Variants in NDUFA11 observed in about 807,000 individuals in gnomAD.
NDUFA11 encodes the protein NADH:ubiquinone oxidoreductase subunit A11.
Under a neutral mutation model 11.3 loss-of-function variants are expected in NDUFA11, and 14 were observed. The observed-to-expected ratio is 1.24, with a 90% CI of 0.82 to 1.94. The LOEUF (loss-of-function observed/expected upper bound fraction) is 1.94, where lower values mean the gene tolerates loss of function less well. Among genes scored for constraint, NDUFA11 ranks in the 30% most tolerant of loss-of-function variants. NDUFA11 has a pLI of 0.00. For synonymous variants in NDUFA11, 87 were observed against 85.6 expected, an observed-to-expected ratio of 1.02 and a Z score of -0.09; for missense variants, 204 against 200.3, an observed-to-expected ratio of 1.02 and a Z score of -0.11.
rs1180118904 is a variant in NDUFA11, at chr19:5,896,445, C to A, written c.313+8G>T. 6.4e-7 allele frequency: 1 copy of A among 1,565,820 alleles called. No homozygotes were observed. Among genetic ancestry groups the A allele is most frequent in the Non-Finnish European group, 8.7e-7 (1 of 1,155,954 alleles). On this transcript the variant is annotated splice_region_variant and intron_variant, in intron 3 of 3. Coordinates refer to ENST00000308961, the MANE Select transcript of NDUFA11 (RefSeq NM_175614.5). This position sits in a 1 kb window ranked among gnomAD's most constrained non-coding sequence, Gnocchi z 5.8. The stretch of plus-strand genomic sequence containing the variant: ...GAGGAGGGTGGGGGTGGGGAGGGGG[C>A]CACTCACTGCGTGCTCCCAGAGTCA...
At chr19:5,897,134 G>A (rs1201808582) in intron 1 of NDUFA11, 137 bp from the exon 2 acceptor site, 7 of 747,102 alleles carry the variant, frequency 9.4e-6, no homozygotes, top group South Asian at 8.6e-5. Context: ...CCCGGCTGCT[G>A]AGTGGCAGAG....
chr19:5,903,464 C>T (rs566681743), intron 1 of NDUFA11, 148 bp downstream of exon 1: 6 of 716,258 alleles, frequency 8.4e-6, no homozygotes, highest in Middle Eastern at 3.9e-4. Context: ...ACACAAGATC[C>T]CCCCCTACGA....
intron 1 of NDUFA11, among the ~76,000 whole-genome samples, chr19:5,899,455 T>TA (rs2057631665): frequency 8.4e-6 from 1 of 119,002 alleles, no homozygotes; most frequent in Admixed American, 8.2e-5. Flanking sequence ...CGGACTCTTT[T>TA]TTTTTTTTTT....
chr19:5,893,241 C>G, downstream of NDUFA11: 3 of 1,520,628 alleles, frequency 2.0e-6, no homozygotes, highest in Middle Eastern at 1.7e-4. This position sits in a 1 kb window ranked among gnomAD's most constrained non-coding sequence, Gnocchi z 4.1. Flanking sequence ...GAGGACTGCT[C>G]GAGGCCAGGA....
At chr19:5,893,202 A>G (rs1468130093), downstream of NDUFA11, 2 of 1,536,032 alleles carry the variant, frequency 1.3e-6, no homozygotes, top group Admixed American at 3.9e-5. The surrounding 1 kb of genome is among the most constrained non-coding windows in gnomAD (Gnocchi z 4.1). Context: ...TCATGCCTAT[A>G]ATCCCAGCAC....
At chr19:5,903,554 ACC>A in intron 1 of NDUFA11, 56 bp downstream of exon 1, 8 of 1,489,978 alleles carry the variant, frequency 5.4e-6, no homozygotes, top group Non-Finnish European at 7.3e-6. Context: ...GCCCCCAGTA[ACC>A]CCACGACCTC....
chr19:5,899,205 A>C (rs1188229478), intron 1 of NDUFA11, among the ~76,000 whole-genome samples: 1 of 146,648 alleles, frequency 6.8e-6, no homozygotes, highest in Non-Finnish European at 1.5e-5. Flanking sequence ...GCTGGAGTGC[A>C]GTGGCGCTAT....
downstream of NDUFA11, chr19:5,892,769 C>CGATGCCCGTGAGTGGATGG: frequency 9.2e-7 from 1 of 1,084,174 alleles, no homozygotes; most frequent in East Asian, 2.8e-5. Context: ...CGAGTGGATG[C>CGATGCCCGTGAGTGGATGG]GATGCCCGTG....
At position 5,895,042 on chromosome 19, in the gene NDUFA11, G is replaced by A. The variant is rs1022008555; in HGVS notation, c.314-188C>T. 2.7e-5 allele frequency: 19 copies of A among 696,304 alleles called. No homozygotes were observed. In the African/African-American group the frequency reaches 3.4e-4, roughly 13 times the overall value. 43.1% of individuals were successfully genotyped at this position (696,304 alleles called of 1,614,324 possible). On this transcript the variant is annotated intron_variant, in intron 3 of 3. Transcript: ENST00000308961. ...ATGTGGAAACTGATGCACAGAGGGA[G>A]GCCGGAGTCCAGGTTGCTTCCCAGC...
At chr19:5,892,558 G>A (rs2144943527), downstream of NDUFA11, 1 of 195,588 alleles carries the variant, frequency 5.1e-6, no homozygotes, top group Non-Finnish European at 1.1e-5. Context: ...CCCGGCTGCG[G>A]TGGGCAGGAT....
Position 5,896,002 on chromosome 19 carries a change from A to C in NDUFA11, c.313+451T>G. 1 of 265,170 alleles carries C rather than the reference A, an allele frequency of 3.8e-6. No homozygotes were observed. Among genetic ancestry groups the C allele is most frequent in the Non-Finnish European group, 7.2e-6 (1 of 138,140 alleles). The allele number at this position is 265,170 out of a possible 1,614,324, so 16.4% of individuals were successfully genotyped here. On this transcript the variant is annotated intron_variant, in intron 3 of 3. Transcript: ENST00000308961. This position sits in a 1 kb window ranked among gnomAD's most constrained non-coding sequence, Gnocchi z 5.8. ...CATCCTCCTCTCTGACTCACAGGCC[A>C]GTGGCAGAGACAGGGGGTGACCTTG...
At chr19:5,898,927 G>A (rs1164769426) in intron 1 of NDUFA11, among the ~76,000 whole-genome samples, 1 of 151,252 alleles carries the variant, frequency 6.6e-6, no homozygotes, top group African/African-American at 2.4e-5. Flanking sequence ...GGAGTGCCAG[G>A]TCTGGGGGCT....
chr19:5,898,612 G>A (rs111790118), intron 1 of NDUFA11, among the ~76,000 whole-genome samples: 3,683 of 152,222 alleles, frequency 0.024, 123 homozygotes, highest in South Asian at 0.082. Flanking sequence ...AGTGGCTCAC[G>A]CCTGTAATCC....
rs2057609706 is a variant in NDUFA11, at chr19:5,896,505, G to C, written c.261C>G (p.Pro87=). The C allele has an allele frequency of 6.4e-7, 1 of 1,572,372 alleles. No homozygotes were observed. The highest frequency in any genetic ancestry group is 8.6e-7 in the Non-Finnish European group (1 of 1,159,160). ...CGCAGCCACCGAGGAAGTAGTTCAGGGGGTCGTCGGGCTTCTCGCGGACAT... is the reference window on the plus strand; with the variant it reads ...CGCAGCCACCGAGGAAGTAGTTCAGCGGGTCGTCGGGCTTCTCGCGGACAT... ...SAHVREKPDD[P]LNYFLGGCAG... Residue 87 remains proline (P), a synonymous_variant, in exon 3 of 4, where the codon CCC becomes CCG. Transcript: ENST00000308961. This position sits in a 1 kb window ranked among gnomAD's most constrained non-coding sequence, Gnocchi z 5.8.
Position 5,894,750 on chromosome 19 carries a change from T to A in NDUFA11, c.418A>T (p.Lys140Ter). The change falls in exon 4 of 4, where the codon AAG (lysine) becomes TAG (stop). Residue 140 changes from lysine to a stop codon, truncating the protein, a stop_gained. Transcript: ENST00000308961. LOFTEE classifies it high-confidence loss of function. ...CCCGGCAGGCACAGGGCTCACACCT[T>A]GGGTTTTGCAAACACCTCCCAGCCC... ...LEGWEVFAKP[K>*]V 6.2e-7 allele frequency: 1 copy of A among 1,613,214 alleles called. No individual in the cohort carries two copies. The highest frequency in any genetic ancestry group is 8.5e-7 in the Non-Finnish European group (1 of 1,179,722).
rs2057598630 is a variant in NDUFA11 at position 5,894,935 on chromosome 19, C to T, written c.314-81G>A. On this transcript the variant is annotated intron_variant, in intron 3 of 3. Transcript: ENST00000308961. ...GCTCCACGCCCTGGCCGGTGCCCAC[C>T]CTGGGAGCCAGACTGAGACCCCTGA... The T allele has an allele frequency of 8.8e-6, 13 of 1,474,116 alleles. No homozygotes were observed. In the South Asian group the frequency reaches 1.7e-4, roughly 19 times the overall value. 91.3% of individuals were successfully genotyped at this position (1,474,116 alleles called of 1,614,324 possible).
intron 1 of NDUFA11, chr19:5,899,985 T>C (rs1485525293): frequency 6.6e-6 from 1 of 152,206 alleles, no homozygotes; most frequent in Non-Finnish European, 1.5e-5. Context: ...AAGGGACCCC[T>C]AGCTCATGGA....
At position 5,896,987 on chromosome 19, in the gene NDUFA11, G is replaced by A. The variant is rs552763292; in HGVS notation, c.108C>T (p.Ala36=). Residue 36 remains alanine (A), a synonymous_variant, in exon 2 of 4, where the codon GCC becomes GCT. Coordinates refer to ENST00000308961, the MANE Select transcript of NDUFA11 (RefSeq NM_175614.5). This position sits in a 1 kb window ranked among gnomAD's most constrained non-coding sequence, Gnocchi z 5.8. ...TSIASVAGLT[A]AAYRVTLNPP... ...GATTGAGTGTGACTCTGTAGGCAGC[G>A]GCGGTCAGGCCTGCGAGACAGAGGA... is the stretch of plus-strand genomic sequence containing the variant. The A allele has an allele frequency of 3.2e-5, 51 of 1,613,966 alleles. No homozygotes were observed. The highest frequency in any genetic ancestry group is 4.1e-5 in the Non-Finnish European group (48 of 1,179,936).
At position 5,903,754 on chromosome 19, in the gene NDUFA11, AGC is replaced by A. The variant is rs1349769210; in HGVS notation, c.-48_-47del. On this transcript the variant is annotated 5_prime_UTR_variant, in exon 1 of 4. Transcript: ENST00000308961. ...CACCACGGACCCCGCCAGCTCGGGA[AGC>A]GCAAGGGCAGCCGCGGCTGGCTATC... is the stretch of plus-strand genomic sequence containing the variant. 1 of 1,538,328 alleles carries A rather than the reference AGC, an allele frequency of 6.5e-7. No homozygotes were observed. Among genetic ancestry groups the A allele is most frequent in the Non-Finnish European group, 8.8e-7 (1 of 1,135,498 alleles).
Sources: allele counts gnomAD v4.1 joint callset (sites outside exome capture counted in the v4.1 genomes callset), GRCh38; gene constraint gnomAD v4.1.1; non-coding constraint Gnocchi (gnomAD v3.1); transcripts MANE v1.5; gene names NCBI Gene and HGNC (gene_info 2026-07-23, HGNC 2026-07-21).